TNFSF4: variants seen among roughly 807,000 people sequenced by gnomAD.
The protein encoded by TNFSF4 is tumor necrosis factor ligand superfamily member 4.
Under a neutral mutation model 7.3 loss-of-function variants are expected in TNFSF4, and 4 were observed. The observed-to-expected ratio is 0.55, with a 90% CI of 0.27 to 1.25. The LOEUF (loss-of-function observed/expected upper bound fraction) is 1.25. Ranked by LOEUF, TNFSF4 falls within the 50% of genes most tolerant of loss-of-function variation. TNFSF4 has a pLI of 0.12. For missense variants in TNFSF4, 181 were observed against 208.8 expected (o/e 0.87, Z 0.82); for synonymous variants, 76 against 83.7 (o/e 0.91, Z 0.50).
intron 1 of TNFSF4, among the ~76,000 whole-genome samples, chr1:173,189,863 T>A (rs1649400410): frequency 6.6e-6 from 1 of 152,010 alleles, no homozygotes; most frequent in African/African-American, 2.4e-5. Context: ...ATGGTCTAAT[T>A]TTTTAAAAAG....
At chr1:173,449,584 C>T in the TNFSF4 span, among the ~76,000 whole-genome samples, 1 of 152,048 alleles carries the variant, frequency 6.6e-6, no homozygotes, top group Non-Finnish European at 1.5e-5. Flanking sequence ...AAGCATCTGC[C>T]TACTTCAGTC....
the TNFSF4 span, among the ~76,000 whole-genome samples, chr1:173,389,493 C>G: frequency 6.6e-6 from 1 of 151,864 alleles, no homozygotes; most frequent in African/African-American, 2.4e-5. Context: ...CCATTTTTGT[C>G]ATCTATATAT....
chr1:173,217,517 A>C, the TNFSF4 span, among the ~76,000 whole-genome samples: 54 of 152,230 alleles, frequency 3.5e-4, no homozygotes, highest in Non-Finnish European at 7.2e-4. Context: ...TGCCTGATAC[A>C]TATTAGCATT....
upstream of TNFSF4, among the ~76,000 whole-genome samples, chr1:173,209,678 T>C (rs1321366263): frequency 2.0e-5 from 3 of 152,192 alleles, no homozygotes; most frequent in Middle Eastern, 6.8e-3. Flanking sequence ...CTAATTTCTT[T>C]TAAAATTTCT....
chr1:173,283,537 A>T, the TNFSF4 span, among the ~76,000 whole-genome samples: 1 of 152,154 alleles, frequency 6.6e-6, no homozygotes, highest in Non-Finnish European at 1.5e-5. Flanking sequence ...TCTAGAGAAG[A>T]GCACTCTCAA....
At chr1:173,341,428 G>A in the TNFSF4 span, among the ~76,000 whole-genome samples, 1 of 152,156 alleles carries the variant, frequency 6.6e-6, no homozygotes, top group Non-Finnish European at 1.5e-5. Context: ...TTTAACAACT[G>A]TATATAGCAC....
chr1:173,368,690 T>C, the TNFSF4 span, among the ~76,000 whole-genome samples: 3 of 151,924 alleles, frequency 2.0e-5, no homozygotes, highest in African/African-American at 7.3e-5. Flanking sequence ...GCCATTCAGC[T>C]TCGGGGTCCC....
chr1:173,379,126 GC>G, the TNFSF4 span, among the ~76,000 whole-genome samples: 1 of 152,106 alleles, frequency 6.6e-6, no homozygotes, highest in Non-Finnish European at 1.5e-5. Flanking sequence ...TGAAAAGAAT[GC>G]GGCTTTAGCT....
At chr1:173,424,543 T>C in the TNFSF4 span, among the ~76,000 whole-genome samples, 1 of 152,194 alleles carries the variant, frequency 6.6e-6, no homozygotes, top group African/African-American at 2.4e-5. Context: ...GTCTGTTCCC[T>C]TCCTGGAAGC....
chr1:173,297,835 G>A, the TNFSF4 span, among the ~76,000 whole-genome samples: 1 of 151,948 alleles, frequency 6.6e-6, no homozygotes, highest in Non-Finnish European at 1.5e-5. Context: ...GTCTCAATGT[G>A]GCCAACCAAC....
At chr1:173,402,114 A>G in the TNFSF4 span, among the ~76,000 whole-genome samples, 1 of 152,154 alleles carries the variant, frequency 6.6e-6, no homozygotes, top group African/African-American at 2.4e-5. Context: ...GAAACTTTCT[A>G]TTGGGAGCAG....
chr1:173,339,680 T>A, the TNFSF4 span, among the ~76,000 whole-genome samples: 4 of 152,188 alleles, frequency 2.6e-5, no homozygotes, highest in African/African-American at 9.7e-5. Context: ...AGTTAATTTA[T>A]GGGATATCAA....
the TNFSF4 span, among the ~76,000 whole-genome samples, chr1:173,327,402 A>G: frequency 2.6e-5 from 4 of 152,116 alleles, no homozygotes; most frequent in East Asian, 3.9e-4. Context: ...TAAAAACCCT[A>G]GAAGAAAACC....
the TNFSF4 span, among the ~76,000 whole-genome samples, chr1:173,379,381 A>G: frequency 1.3e-5 from 2 of 152,192 alleles, no homozygotes; most frequent in African/African-American, 4.8e-5. Context: ...GATTTAAAGC[A>G]GATCAAGCAG....
chr1:173,390,163 CT>C, the TNFSF4 span, among the ~76,000 whole-genome samples: 1 of 152,100 alleles, frequency 6.6e-6, no homozygotes, highest in South Asian at 2.1e-4. Context: ...GAGACTAGTA[CT>C]ATAGTTATAC....
the TNFSF4 span, among the ~76,000 whole-genome samples, chr1:173,287,195 C>T: frequency 0.3 from 45,008 of 151,688 alleles, 7,218 homozygotes; most frequent in Admixed American, 0.4. Context: ...ATTAGCCAGG[C>T]ATGGTGGTGT....
At chr1:173,205,386 A>G (rs898808771) in intron 1 of TNFSF4, 6 of 1,609,374 alleles carry the variant, frequency 3.7e-6, no homozygotes, top group Non-Finnish European at 5.1e-6. Flanking sequence ...GAGTTGCTGG[A>G]TGACTTGTTG....
the TNFSF4 span, among the ~76,000 whole-genome samples, chr1:173,354,319 T>C: frequency 6.6e-6 from 1 of 152,014 alleles, no homozygotes; most frequent in African/African-American, 2.4e-5. Flanking sequence ...AACAGACCAA[T>C]AATGAGTTCT....
At chr1:173,286,654 AT>A in the TNFSF4 span, among the ~76,000 whole-genome samples, 1 of 152,126 alleles carries the variant, frequency 6.6e-6, no homozygotes, top group African/African-American at 2.4e-5. Flanking sequence ...ATAGAAAAAA[AT>A]AAAAGAATCT....
Sources: gnomAD v4.1 joint callset for allele counts (sites outside exome capture counted in the v4.1 genomes callset) on GRCh38, gnomAD v4.1.1 for gene constraint, MANE v1.5 for transcripts, NCBI Gene and HGNC (gene_info 2026-07-23, HGNC 2026-07-21) for gene names.